The following CEMIP2 variants were observed in gnomAD, a reference collection of about 807,000 sequenced individuals.
CEMIP2 encodes the protein cell migration inducing hyaluronidase 2.
CEMIP2 carries 79 observed loss-of-function variants against 146.9 expected under a neutral mutation model. That is an observed-to-expected ratio of 0.54 (90% CI 0.45 to 0.65). The LOEUF (loss-of-function observed/expected upper bound fraction) is 0.65, where lower values mean the gene tolerates loss of function less well. CEMIP2 is among the 30% of genes least tolerant of loss of function. The pLI, the probability that CEMIP2 is intolerant of heterozygous loss-of-function variation, is 0.00. For missense variants in CEMIP2, 1,596 were observed against 1,696.2 expected (o/e 0.94, Z 1.04); for synonymous variants, 601 against 606.3 (o/e 0.99, Z 0.13).
intron 20 of CEMIP2, among the ~76,000 whole-genome samples, chr9:71,695,244 T>C (rs925797797): frequency 5.3e-5 from 8 of 152,156 alleles, no homozygotes; most frequent in Non-Finnish European, 8.8e-5. Context: ...CCTGTACTCC[T>C]CCAAATTACT....
At position 71,734,896 on chromosome 9, in the gene CEMIP2, C is replaced by T. The variant is rs1823718776; in HGVS notation, c.1303G>A (p.Val435Ile). 6.2e-7 allele frequency: 1 copy of T among 1,613,854 alleles called. No homozygotes were observed. The highest frequency in any genetic ancestry group is 1.3e-5 in the African/African-American group (1 of 74,828). ...TACATGGAATAGTCTGTGCTTGCGA[C>T]CACAATCTGGTCTCCAGGTTTCCAA... ...SSWKPGDQIVVASTDYSMYQA... is the reference protein window; with the variant it reads ...SSWKPGDQIVIASTDYSMYQA... Residue 435 changes from valine (V) to isoleucine (I), a missense_variant, in exon 6 of 24, where the codon GTC (valine) becomes ATC (isoleucine). Val to Ile is a conservative substitution (Grantham distance 29). Transcript: ENST00000377044.
intron 17 of CEMIP2, among the ~76,000 whole-genome samples, chr9:71,705,734 A>G (rs1257820333): frequency 6.7e-6 from 1 of 149,792 alleles, no homozygotes; most frequent in Admixed American, 6.7e-5. Context: ...ATTAATTTAA[A>G]CATACTTATG....
At chr9:71,702,382 A>G (rs1310459284) in intron 18 of CEMIP2, among the ~76,000 whole-genome samples, 1 of 151,368 alleles carries the variant, frequency 6.6e-6, no homozygotes, top group African/African-American at 2.4e-5. Flanking sequence ...ATTATTGTCT[A>G]TAATAGCAAA....
intron 1 of CEMIP2, among the ~76,000 whole-genome samples, chr9:71,759,094 C>T (rs1235773591): frequency 6.6e-6 from 1 of 151,990 alleles, no homozygotes; most frequent in African/African-American, 2.4e-5. Context: ...GGAAATGCAC[C>T]AACTCTTAAT....
rs1822529638 is a variant in CEMIP2, at chr9:71,700,546, G to A, written c.3377+96C>T. The stretch of plus-strand genomic sequence containing the variant: ...GATGTGCAGAGAATTACCCACATCA[G>A]CTGCTTCACTAAACAGCCGCGATGC... On this transcript the variant is annotated intron_variant, in intron 19 of 23. Transcript: ENST00000377044. 2.1e-5 allele frequency: 27 copies of A among 1,272,232 alleles called. No homozygotes were observed. The South Asian group carries it at 3.4e-4, about 16-fold the overall frequency. 78.8% of individuals were successfully genotyped at this position (1,272,232 alleles called of 1,614,324 possible). A position where few individuals can be genotyped will look rare whatever the true frequency, so the allele number is the denominator to read the frequency against.
Position 71,685,982 on chromosome 9 carries a change from G to T in CEMIP2, c.3852-136C>A. On this transcript the variant is annotated intron_variant, in intron 22 of 23. Coordinates refer to ENST00000377044, the MANE Select transcript of CEMIP2 (RefSeq NM_013390.3). ...AGAACTCCAAAAAGAAAAAAGTCTA[G>T]ATGATTTTCCATCCAATTCCCACTC... is the stretch of plus-strand genomic sequence containing the variant. 4.5e-6 allele frequency: 3 copies of T among 660,892 alleles called. 1 individual carries two copies. Among genetic ancestry groups the T allele is most frequent in the Non-Finnish European group, 7.6e-6 (3 of 392,338 alleles). The allele number at this position is 660,892 out of a possible 1,614,324, so 40.9% of individuals were successfully genotyped here. A position where few individuals can be genotyped will look rare whatever the true frequency, so the allele number is the denominator to read the frequency against.
Position 71,722,517 on chromosome 9 carries a change from T to C in CEMIP2, c.2179-2A>G. On this transcript the variant is annotated splice_acceptor_variant, in intron 11 of 23. Coordinates refer to ENST00000377044, the MANE Select transcript of CEMIP2 (RefSeq NM_013390.3). LOFTEE classifies it high-confidence loss of function. ...ACCTTTGTCAATAAATAAGCCAGCC[T>C]GAAAAATATAAATAATGGACTGGAA... 1 of 1,608,900 alleles carries C rather than the reference T, an allele frequency of 6.2e-7. No homozygotes were observed. The highest frequency in any genetic ancestry group is 8.5e-7 in the Non-Finnish European group (1 of 1,176,120).
At position 71,685,059 on chromosome 9, in the gene CEMIP2, A is replaced by G; in HGVS notation, c.*138T>C. 1 of 779,454 alleles carries G rather than the reference A, an allele frequency of 1.3e-6. No homozygotes were observed. The highest frequency in any genetic ancestry group is 3.2e-5 in the Admixed American group (1 of 30,906). 48.3% of individuals were successfully genotyped at this position (779,454 alleles called of 1,614,324 possible). A position where few individuals can be genotyped will look rare whatever the true frequency, so the allele number is the denominator to read the frequency against. ...AAGCTGGTATCCAAGCAATAATTTC[A>G]AACGCTTTCTTTTCTCCCCATTCTG... On this transcript the variant is annotated 3_prime_UTR_variant, in exon 24 of 24. Coordinates refer to ENST00000377044, the MANE Select transcript of CEMIP2 (RefSeq NM_013390.3).
intron 10 of CEMIP2, among the ~76,000 whole-genome samples, chr9:71,728,231 C>CTA (rs767770130): frequency 0.029 from 435 of 14,778 alleles, 44 homozygotes; most frequent in African/African-American, 0.036. Context: ...CTCTCTCTCT[C>CTA]TATATATATA....
chr9:71,748,565 G>A (rs80064411), intron 2 of CEMIP2, among the ~76,000 whole-genome samples: 230 of 152,278 alleles, frequency 1.5e-3, no homozygotes, highest in Non-Finnish European at 2.9e-3. Flanking sequence ...ATTTCCCACT[G>A]GTCTAGCATC....
At chr9:71,741,691 T>G (rs947144262) in intron 4 of CEMIP2, among the ~76,000 whole-genome samples, 2 of 132,440 alleles carry the variant, frequency 1.5e-5, no homozygotes, top group African/African-American at 5.5e-5. Flanking sequence ...TAGGCTAGAG[T>G]GCAATGGCGT....
chr9:71,739,940 T>A (rs1823866332), intron 5 of CEMIP2, 123 bp downstream of exon 5: 6 of 927,728 alleles, frequency 6.5e-6, no homozygotes, highest in Non-Finnish European at 9.4e-6. Context: ...AAGTTTCAAC[T>A]TCAACTAGTT....
Position 71,694,579 on chromosome 9 carries a change from C to T in CEMIP2, c.3626G>A (p.Ser1209Asn), listed in dbSNP as rs1822339192. 11 of 1,613,852 alleles carry T rather than the reference C, an allele frequency of 6.8e-6. No homozygotes were observed. Among genetic ancestry groups the T allele is most frequent in the Non-Finnish European group, 9.3e-6 (11 of 1,179,836 alleles). Residue 1209 changes from serine to asparagine, a missense_variant, in exon 21 of 24, where the codon AGT (serine) becomes AAT (asparagine). Ser to Asn is a conservative substitution (Grantham distance 46). Coordinates refer to ENST00000377044, the MANE Select transcript of CEMIP2 (RefSeq NM_013390.3). ...TGACTGGAATTGCACAGGGAGGTAA[C>T]TTTTATGAGGATCACTAGTAAACAC... ...QVVFTSDPHK[S>N]YLPVQFQSPD...
intron 7 of CEMIP2, among the ~76,000 whole-genome samples, chr9:71,731,157 G>C (rs140881684): frequency 1.3e-5 from 2 of 152,296 alleles, no homozygotes; most frequent in African/African-American, 2.4e-5. Flanking sequence ...AATCAGGAAA[G>C]CTGCAATAAT....
chr9:71,760,679 C>CCAAGCGGG (rs1213428609), intron 1 of CEMIP2, among the ~76,000 whole-genome samples: 1 of 143,444 alleles, frequency 7.0e-6, no homozygotes, highest in Non-Finnish European at 1.6e-5. Flanking sequence ...CTACTACAGA[C>CCAAGCGGG]CAAGCGGGGA....
intron 5 of CEMIP2, among the ~76,000 whole-genome samples, chr9:71,738,376 G>C (rs62549268): frequency 0.071 from 10,731 of 151,858 alleles, 541 homozygotes; most frequent in South Asian, 0.19. Context: ...TTAGCCAGGC[G>C]TGGTGGCACG....
intron 5 of CEMIP2, among the ~76,000 whole-genome samples, chr9:71,735,512 C>T (rs1456446133): frequency 1.3e-5 from 2 of 152,088 alleles, no homozygotes; most frequent in South Asian, 2.1e-4. Flanking sequence ...GTGGGCCAGG[C>T]GTGGTGGTTC....
chr9:71,749,953 A>T, intron 2 of CEMIP2, 90 bp downstream of exon 2: 1 of 1,202,452 alleles, frequency 8.3e-7, no homozygotes, highest in Non-Finnish European at 1.1e-6. Context: ...AGCTAGGGCC[A>T]ACTTAAGATA....
Position 71,685,927 on chromosome 9 carries a change from G to A in CEMIP2, c.3852-81C>T. 3.1e-6 allele frequency: 3 copies of A among 959,536 alleles called. 1 individual carries two copies. The South Asian group carries it at 4.2e-5, about 14-fold the overall frequency. The allele number at this position is 959,536 out of a possible 1,614,324, so 59.4% of individuals were successfully genotyped here. The stretch of plus-strand genomic sequence containing the variant: ...TTTCTACTGAGTATCTTTCTGAACT[G>A]ACTGCTGAATAGAAATATTAGATAA... On this transcript the variant is annotated intron_variant, in intron 22 of 23. Coordinates refer to ENST00000377044, the MANE Select transcript of CEMIP2 (RefSeq NM_013390.3).
Sources: gnomAD v4.1 joint callset for allele counts (sites outside exome capture counted in the v4.1 genomes callset) on GRCh38, gnomAD v4.1.1 for gene constraint, MANE v1.5 for transcripts, NCBI Gene and HGNC (gene_info 2026-07-23, HGNC 2026-07-21) for gene names.